BEND3: variants seen among roughly 807,000 people sequenced by gnomAD.
The protein encoded by BEND3 is BEN domain-containing protein 3.
BEND3 carries 13 observed loss-of-function variants against 60.1 expected under a neutral mutation model. The observed-to-expected ratio is 0.22, with a 90% CI of 0.14 to 0.34. The LOEUF is 0.34. Ranked by LOEUF, BEND3 falls within the 10% of genes least tolerant of loss-of-function variation. The pLI is 1.00. For missense variants in BEND3, 896 were observed against 1,138.1 expected, an observed-to-expected ratio of 0.79 and a Z score of 3.06; for synonymous variants, 497 against 491.5, an observed-to-expected ratio of 1.01 and a Z score of -0.15.
intron 3 of BEND3, among the ~76,000 whole-genome samples, chr6:107,086,853 CG>C: frequency 6.6e-6 from 1 of 151,468 alleles, no homozygotes; most frequent in Non-Finnish European, 1.5e-5. Flanking sequence ...GGTAAAACCC[CG>C]TCTCTACTAA....
rs1253429954 is a variant in BEND3 at position 107,101,768 on chromosome 6, G to A, written c.-11-2472C>T. Reference sequence around the variant, plus strand: ...TGAGTGGCTAGAAGGGCTGGACAATGCCAGGCAGAAATTCAAGACCGGATT... The same window carrying A: ...TGAGTGGCTAGAAGGGCTGGACAATACCAGGCAGAAATTCAAGACCGGATT... On this transcript the variant is annotated intron_variant, in intron 1 of 3. Coordinates refer to ENST00000369042, the MANE Select transcript of BEND3 (RefSeq NM_001367314.1). Among the ~76,000 whole-genome samples the A allele has an allele frequency of 2.6e-5, 4 of 152,280 alleles. No individual in the cohort carries two copies. The East Asian group carries it at 7.7e-4, about 29-fold the overall frequency.
rs564807469 is a variant in BEND3, at chr6:107,071,901, G to A, written c.241-951C>T. Among the ~76,000 whole-genome samples, 3 of 152,326 alleles carry A rather than the reference G, an allele frequency of 2.0e-5. No individual in the cohort carries two copies. In the East Asian group the frequency reaches 5.8e-4, roughly 29 times the overall value. On this transcript the variant is annotated intron_variant, in intron 3 of 3. Coordinates refer to ENST00000369042, the MANE Select transcript of BEND3 (RefSeq NM_001367314.1). ...GATGGGACACAGAGAATGAAATGGA[G>A]AACGTCAGTGGGTGACAGATGTTTA...
intron 3 of BEND3, among the ~76,000 whole-genome samples, chr6:107,094,349 G>A (rs1453399932): frequency 1.3e-5 from 2 of 152,138 alleles, no homozygotes; most frequent in African/African-American, 2.4e-5. Flanking sequence ...ACAGCCGGGC[G>A]TGGTGGCTCA....
At position 107,067,416 on chromosome 6, in the gene BEND3, C is replaced by T. The variant is rs1310176365; in HGVS notation, c.*1288G>A. 4 of 152,198 alleles carry T rather than the reference C, an allele frequency of 2.6e-5. No homozygotes were observed. The highest frequency in any genetic ancestry group is 9.7e-5 in the African/African-American group (4 of 41,436). The allele number at this position is 152,198 out of a possible 1,614,324, so 9.4% of individuals were successfully genotyped here. On this transcript the variant is annotated 3_prime_UTR_variant, in exon 4 of 4. Coordinates refer to ENST00000369042, the MANE Select transcript of BEND3 (RefSeq NM_001367314.1). Reference sequence around the variant, plus strand: ...GTCAGGGGATTTCCCAGTTGGTGCTCCTGGAGAGCATGCAGCTGGCCTGCA... The same window carrying T: ...GTCAGGGGATTTCCCAGTTGGTGCTTCTGGAGAGCATGCAGCTGGCCTGCA...
chr6:107,072,147 G>A (rs1037245069), intron 3 of BEND3, among the ~76,000 whole-genome samples: 2 of 152,206 alleles, frequency 1.3e-5, no homozygotes, highest in Non-Finnish European at 2.9e-5. Context: ...GGGGGAGCAG[G>A]GAGCCTTTGC....
intron 3 of BEND3, among the ~76,000 whole-genome samples, chr6:107,074,213 C>A (rs969920597): frequency 2.2e-4 from 34 of 151,952 alleles, no homozygotes; most frequent in Non-Finnish European, 1.3e-4. Flanking sequence ...GTCAGGAGTT[C>A]GAAACTAGCC....
At chr6:107,107,197 A>G (rs782311400) in intron 1 of BEND3, among the ~76,000 whole-genome samples, 17 of 152,142 alleles carry the variant, frequency 1.1e-4, no homozygotes, top group Non-Finnish European at 2.2e-4. Flanking sequence ...TCGGCCTCCC[A>G]AAGTGCTGAG....
chr6:107,088,760 T>C (rs1775409364), intron 3 of BEND3, among the ~76,000 whole-genome samples: 1 of 152,176 alleles, frequency 6.6e-6, no homozygotes, highest in African/African-American at 2.4e-5. Flanking sequence ...TATTTCTATG[T>C]GCCAAAAGTG....
chr6:107,068,862 G>A lies in BEND3; in HGVS notation c.2329C>T (p.Leu777=), dbSNP rs781867030. The change falls in exon 4 of 4, where the codon CTG becomes TTG. Residue 777 remains leucine, a synonymous_variant. Transcript: ENST00000369042. This position sits in a 1 kb window ranked among gnomAD's most constrained non-coding sequence, Gnocchi z 5.8. ...TCCACGTAGTGGCGGATGAGCCGCA[G>A]CCGCGTGGGGTCCAGTTGCTTCTTG... ...CNKKQLDPTR[L]RLIRHYVEAV... The A allele has an allele frequency of 2.0e-5, 33 of 1,613,508 alleles. No individual in the cohort carries two copies. Among genetic ancestry groups the A allele is most frequent in the African/African-American group, 2.7e-5 (2 of 74,800 alleles).
At chr6:107,109,166 C>A (rs980458464) in intron 1 of BEND3, among the ~76,000 whole-genome samples, 1 of 150,146 alleles carries the variant, frequency 6.7e-6, no homozygotes, top group Non-Finnish European at 1.5e-5. Context: ...GGGCGGGGGG[C>A]GGTCTGGGCG....
At chr6:107,100,509 C>T (rs1374638704) in intron 1 of BEND3, among the ~76,000 whole-genome samples, 3 of 152,014 alleles carry the variant, frequency 2.0e-5, no homozygotes, top group Admixed American at 6.6e-5. Flanking sequence ...CCTCATGATC[C>T]GCCCACCTCA....
intron 1 of BEND3, among the ~76,000 whole-genome samples, chr6:107,110,047 A>T (rs1405301138): frequency 2.7e-5 from 4 of 150,350 alleles, no homozygotes; most frequent in African/African-American, 9.8e-5. Context: ...AAAAAAAAAA[A>T]AGGAAGCTGG....
chr6:107,084,052 G>A (rs966489739), intron 3 of BEND3, among the ~76,000 whole-genome samples: 4 of 152,224 alleles, frequency 2.6e-5, no homozygotes, highest in Non-Finnish European at 4.4e-5. Context: ...GGAAAAAGCT[G>A]AACAAACTGA....
intron 3 of BEND3, among the ~76,000 whole-genome samples, chr6:107,085,309 T>A (rs1476890403): frequency 6.6e-6 from 1 of 152,160 alleles, no homozygotes; most frequent in Non-Finnish European, 1.5e-5. Context: ...TCAGTGAGAC[T>A]AAGAATCCAC....
intron 3 of BEND3, among the ~76,000 whole-genome samples, chr6:107,081,875 A>T (rs1775242033): frequency 6.6e-6 from 1 of 152,168 alleles, no homozygotes; most frequent in Non-Finnish European, 1.5e-5. Context: ...TTACAATAAA[A>T]ATGTGTTGAG....
chr6:107,110,042 A>C (rs946347791), intron 1 of BEND3, among the ~76,000 whole-genome samples: 28 of 147,748 alleles, frequency 1.9e-4, no homozygotes, highest in African/African-American at 6.4e-4. Flanking sequence ...AAAAAAAAAA[A>C]AAAAAAGGAA....
intron 3 of BEND3, among the ~76,000 whole-genome samples, chr6:107,089,346 G>C (rs1326704208): frequency 3.3e-5 from 5 of 151,884 alleles, no homozygotes; most frequent in African/African-American, 4.8e-5. Context: ...ACTTTGGGAG[G>C]CCAAGGCAGG....
chr6:107,109,459 T>C (rs868955018), intron 1 of BEND3, among the ~76,000 whole-genome samples: 3 of 20,762 alleles, frequency 1.4e-4, no homozygotes, highest in African/African-American at 3.3e-4. Flanking sequence ...AAAAAAAAAA[T>C]CGAGGTGGGG....
In BEND3 at chr6:107,070,276, C is replaced by T. The variant is rs1436156336; in HGVS notation, c.915G>A (p.Gln305=). The T allele has an allele frequency of 1.2e-6, 2 of 1,613,042 alleles. No individual in the cohort carries two copies. Among genetic ancestry groups the T allele is most frequent in the East Asian group, 4.5e-5 (2 of 44,880 alleles). ...AKRKLESLHL[Q]LIRNYVEVYY... ...AGACCTCCACATAGTTGCGGATGAGCTGCAGGTGCAGCGACTCCAGCTTGC... is the reference window on the plus strand; with the variant it reads ...AGACCTCCACATAGTTGCGGATGAGTTGCAGGTGCAGCGACTCCAGCTTGC... Residue 305 remains glutamine, a synonymous_variant, in exon 4 of 4, where the codon CAG becomes CAA. Coordinates refer to ENST00000369042, the MANE Select transcript of BEND3 (RefSeq NM_001367314.1). The surrounding 1 kb of genome is among the most constrained non-coding windows in gnomAD (Gnocchi z 6.9).
Sources: allele counts gnomAD v4.1 joint callset (sites outside exome capture counted in the v4.1 genomes callset), GRCh38; gene constraint gnomAD v4.1.1; non-coding constraint Gnocchi (gnomAD v3.1); transcripts MANE v1.5; gene names NCBI Gene and HGNC (gene_info 2026-07-23, HGNC 2026-07-21).